CTNNA2: variants seen among roughly 807,000 people sequenced by gnomAD.
CTNNA2 encodes the protein catenin alpha-2.
A neutral mutation model predicts 101.0 loss-of-function variants in CTNNA2; 42 were observed. The observed-to-expected ratio is 0.42, with a 90% CI of 0.32 to 0.54. The LOEUF (loss-of-function observed/expected upper bound fraction) is 0.54, where lower values mean the gene tolerates loss of function less well. Ranked by LOEUF, CTNNA2 falls within the 20% of genes least tolerant of loss-of-function variation. The pLI is 0.14. For missense variants in CTNNA2, 871 were observed against 1,223.1 expected (o/e 0.71, Z 4.29); for synonymous variants, 450 against 456.4 (o/e 0.99, Z 0.18).
chr2:80,641,959 A>C (rs140091297), intron 18 of CTNNA2, among the ~76,000 whole-genome samples: 41 of 152,238 alleles, frequency 2.7e-4, no homozygotes, highest in Admixed American at 5.2e-4. Flanking sequence ...CCTACATGAA[A>C]CAATTGGGAA....
intron 2 of CTNNA2, among the ~76,000 whole-genome samples, chr2:79,209,980 G>T (rs983558648): frequency 2.0e-5 from 3 of 151,670 alleles, no homozygotes; most frequent in African/African-American, 7.3e-5. Context: ...GGGGGGCGGG[G>T]GTGTGGCGGG....
chr2:79,207,060 C>T (rs1043800582), intron 2 of CTNNA2, among the ~76,000 whole-genome samples: 1 of 152,142 alleles, frequency 6.6e-6, no homozygotes, highest in Non-Finnish European at 1.5e-5. Context: ...ATTGTTTAGA[C>T]AAACTCTTTG....
At chr2:79,192,918 C>T (rs7592506) in intron 1 of CTNNA2, among the ~76,000 whole-genome samples, 90,478 of 151,880 alleles carry the variant, frequency 0.6, 29,132 homozygotes, top group African/African-American at 0.85. Context: ...AAATAGAACT[C>T]TAACAGTACA....
chr2:79,297,999 A>G (rs553778805), intron 2 of CTNNA2, among the ~76,000 whole-genome samples: 35 of 152,334 alleles, frequency 2.3e-4, no homozygotes, highest in Admixed American at 5.9e-4. Flanking sequence ...TCAAGGCATC[A>G]TTATTTCTAA....
chr2:79,437,292 TAA>T (rs1678727614), intron 4 of CTNNA2, among the ~76,000 whole-genome samples: 1 of 152,092 alleles, frequency 6.6e-6, no homozygotes, highest in Non-Finnish European at 1.5e-5. Context: ...TGTATATTCT[TAA>T]GAAGAACTTC....
At position 79,617,144 on chromosome 2, in the gene CTNNA2, C is replaced by A. The variant is rs182168511; in HGVS notation, c.-5-34408C>A. Among the ~76,000 whole-genome samples, 357 of 152,158 alleles carry A rather than the reference C, an allele frequency of 2.3e-3. 1 individual carries two copies. The highest frequency in any genetic ancestry group is 7.7e-3 in the African/African-American group (320 of 41,522). ...GTCTCGAACTCCTGACCTCGTGATCCGCCCACCTTGGCCTCCCAAAGTGCT... is the reference window on the plus strand; with the variant it reads ...GTCTCGAACTCCTGACCTCGTGATCAGCCCACCTTGGCCTCCCAAAGTGCT... On this transcript the variant is annotated intron_variant, in intron 1 of 18. Coordinates refer to ENST00000402739, the MANE Select transcript of CTNNA2 (RefSeq NM_001282597.3).
At chr2:79,791,880 A>T (rs1160858979) in intron 3 of CTNNA2, among the ~76,000 whole-genome samples, 1 of 152,172 alleles carries the variant, frequency 6.6e-6, no homozygotes, top group African/African-American at 2.4e-5. Context: ...ATTCTCAACC[A>T]TCTACCAGAA....
intron 3 of CTNNA2, among the ~76,000 whole-genome samples, chr2:79,843,692 T>G (rs543324535): frequency 8.1e-4 from 124 of 152,356 alleles, no homozygotes; most frequent in African/African-American, 2.5e-3. Context: ...AAACTCCTTT[T>G]GGTGAATAAA....
chr2:79,278,536 T>C (rs1251218958), intron 2 of CTNNA2, among the ~76,000 whole-genome samples: 1 of 151,460 alleles, frequency 6.6e-6, no homozygotes, highest in Admixed American at 6.6e-5. Context: ...AAAAATGTAA[T>C]TGTGGGCAAT....
At chr2:80,476,235 C>G (rs537452515) in intron 9 of CTNNA2, among the ~76,000 whole-genome samples, 12 of 152,196 alleles carry the variant, frequency 7.9e-5, no homozygotes, top group Non-Finnish European at 1.3e-4. Flanking sequence ...CGGGCTGGAG[C>G]TTTTTGGCTC....
chr2:79,694,308 A>C (rs1684510431), intron 2 of CTNNA2, among the ~76,000 whole-genome samples: 1 of 152,004 alleles, frequency 6.6e-6, no homozygotes, highest in Non-Finnish European at 1.5e-5. Flanking sequence ...GTAAATAAAA[A>C]ATGTATTATG....
chr2:79,444,552 T>C (rs1048444678), intron 4 of CTNNA2, among the ~76,000 whole-genome samples: 5 of 152,132 alleles, frequency 3.3e-5, no homozygotes, highest in African/African-American at 9.7e-5. Context: ...ATTATTTCCC[T>C]TGCTGCTTCT....
At chr2:79,426,471 T>C (rs185197338) in intron 4 of CTNNA2, among the ~76,000 whole-genome samples, 2 of 152,288 alleles carry the variant, frequency 1.3e-5, no homozygotes, top group East Asian at 3.9e-4. Flanking sequence ...CTGAGTAGTC[T>C]CTTAATATGC....
chr2:80,564,142 TTTAAG>T (rs764253063), intron 12 of CTNNA2, among the ~76,000 whole-genome samples: 10 of 152,324 alleles, frequency 6.6e-5, no homozygotes, highest in South Asian at 2.1e-4. Context: ...ATAAGAATCT[TTTAAG>T]TTATGTGCAA....
intron 4 of CTNNA2, among the ~76,000 whole-genome samples, chr2:79,395,189 A>G (rs757066119): frequency 6.6e-6 from 1 of 152,030 alleles, no homozygotes; most frequent in Non-Finnish European, 1.5e-5. Flanking sequence ...TTTTGTCTCT[A>G]AGTCACCTTT....
intron 1 of CTNNA2, among the ~76,000 whole-genome samples, chr2:79,536,053 T>G (rs2103961176): frequency 6.6e-6 from 1 of 152,270 alleles, no homozygotes; most frequent in South Asian, 2.1e-4. Flanking sequence ...GACAGATAAT[T>G]TTCAGAGGGG....
intron 1 of CTNNA2, among the ~76,000 whole-genome samples, chr2:79,622,820 T>C (rs1253839209): frequency 6.6e-6 from 1 of 152,202 alleles, no homozygotes; most frequent in East Asian, 1.9e-4. Flanking sequence ...ATGGAGATTT[T>C]TAATGGCCGA....
chr2:80,063,272 T>C (rs944977275), intron 7 of CTNNA2, among the ~76,000 whole-genome samples: 1 of 152,112 alleles, frequency 6.6e-6, no homozygotes, highest in African/African-American at 2.4e-5. Flanking sequence ...CTAGGCAACT[T>C]CACATGCCAC....
intron 2 of CTNNA2, among the ~76,000 whole-genome samples, chr2:79,668,096 C>T (rs112362624): frequency 0.041 from 6,115 of 150,494 alleles, 404 homozygotes; most frequent in African/African-American, 0.14. Flanking sequence ...AAAAATTAGC[C>T]GGGCGCGGTG....
Sources: gnomAD v4.1 joint callset for allele counts (sites outside exome capture counted in the v4.1 genomes callset) on GRCh38, gnomAD v4.1.1 for gene constraint, MANE v1.5 for transcripts, NCBI Gene and HGNC (gene_info 2026-07-23, HGNC 2026-07-21) for gene names.